The following PSPH variants were observed in gnomAD, a reference collection of about 807,000 sequenced individuals.
PSPH encodes L-3-phosphoserine phosphatase.
In PSPH, 16 loss-of-function variants were observed where a neutral mutation model predicts 23.4. The ratio of observed to expected loss-of-function variants is 0.68; its 90% CI spans 0.46 to 1.04. The LOEUF is 1.04. Ranked by LOEUF, PSPH falls within the 50% of genes least tolerant of loss-of-function variation. PSPH has a pLI of 0.00. For synonymous variants in PSPH, 68 were observed against 99.7 expected, an observed-to-expected ratio of 0.68 and a Z score of 1.89; for missense variants, 223 against 273.7, an observed-to-expected ratio of 0.81 and a Z score of 1.31.
chr7:56,045,347 C>T (rs1369349089), intron 1 of PSPH, among the ~76,000 whole-genome samples: 1 of 151,760 alleles, frequency 6.6e-6, no homozygotes, highest in Non-Finnish European at 1.5e-5. Flanking sequence ...CTTGTCTCTG[C>T]AAAAAAATTA....
chr7:56,019,555 C>T, intron 5 of PSPH, 45 bp downstream of exon 5: 1 of 1,612,208 alleles, frequency 6.2e-7, no homozygotes, highest in African/African-American at 1.3e-5. Context: ...GATGTGCCCC[C>T]CAACACTGGT....
rs530804173 is a variant in PSPH, at chr7:56,051,331, T to C, written c.-485A>G. The C allele has an allele frequency of 1.6e-4, 26 of 162,686 alleles. No individual in the cohort carries two copies. The highest frequency in any genetic ancestry group is 3.0e-4 in the Non-Finnish European group (22 of 74,352). 10.1% of individuals were successfully genotyped at this position (162,686 alleles called of 1,614,324 possible). A position where few individuals can be genotyped will look rare whatever the true frequency, so the allele number is the denominator to read the frequency against. ...CTTTCTACCTTGCATTCTATCTTCA[T>C]CTTCGCTAGGCCTCACAGCACCGCA... is the stretch of plus-strand genomic sequence containing the variant. On this transcript the variant is annotated 5_prime_UTR_variant, in exon 1 of 8. The change abolishes an upstream ATG in the 5' untranslated region. Transcript: ENST00000275605.
intron 5 of PSPH, among the ~76,000 whole-genome samples, chr7:56,018,112 G>A (rs1263682359): frequency 1.3e-5 from 2 of 151,942 alleles, no homozygotes; most frequent in African/African-American, 2.4e-5. Context: ...TTGGGAGGCC[G>A]AGGCAGGTGG....
At chr7:56,026,488 CAAA>C (rs56089644) in intron 3 of PSPH, among the ~76,000 whole-genome samples, 3 of 70,348 alleles carry the variant, frequency 4.3e-5, no homozygotes, top group South Asian at 5.3e-4. Flanking sequence ...GACTCCATCT[CAAA>C]AAAAAAAAAA....
intron 3 of PSPH, among the ~76,000 whole-genome samples, chr7:56,024,620 C>T (rs1225912505): frequency 3.3e-5 from 5 of 151,366 alleles, no homozygotes; most frequent in Non-Finnish European, 5.9e-5. Context: ...TAGTGGCACA[C>T]ACCTATAGAC....
At chr7:56,031,196 C>T (rs571546483) in intron 3 of PSPH, among the ~76,000 whole-genome samples, 5 of 146,300 alleles carry the variant, frequency 3.4e-5, no homozygotes, top group African/African-American at 7.6e-5. Context: ...CTGGCCTGGG[C>T]GACAGAGCGA....
chr7:56,021,003 A>G (rs983954200), intron 4 of PSPH, 70 bp downstream of exon 4: 6 of 1,537,836 alleles, frequency 3.9e-6, no homozygotes, highest in Non-Finnish European at 5.3e-6. Flanking sequence ...AGGGTCTAGC[A>G]CTTCATCCAA....
chr7:56,022,813 C>T (rs1226756115), intron 3 of PSPH, among the ~76,000 whole-genome samples: 1 of 152,218 alleles, frequency 6.6e-6, no homozygotes, highest in Admixed American at 6.5e-5. Context: ...AATCCCAGCA[C>T]TCTGGGAGGC....
At chr7:56,020,351 G>A (rs1261921512) in intron 4 of PSPH, among the ~76,000 whole-genome samples, 1 of 152,198 alleles carries the variant, frequency 6.6e-6, no homozygotes, top group African/African-American at 2.4e-5. Context: ...TAGTGTCCGG[G>A]TGCAGCAGCT....
intron 5 of PSPH, among the ~76,000 whole-genome samples, chr7:56,018,487 G>A (rs1788889044): frequency 1.3e-5 from 2 of 152,122 alleles, no homozygotes; most frequent in African/African-American, 4.8e-5. Context: ...TGGAGAAAGA[G>A]GAAAGGCAGA....
rs1458465221 is a variant in PSPH at position 56,012,911 on chromosome 7, G to A, written c.571-1042C>T. On this transcript the variant is annotated intron_variant, in intron 7 of 7. Transcript: ENST00000275605. ...CGCCTGGCCACACTATATTTTTGGT[G>A]TAGTTTTTCTTACGTTAGAATGACA... Among the ~76,000 whole-genome samples the A allele has an allele frequency of 2.8e-5, 4 of 145,032 alleles. No individual in the cohort carries two copies. The East Asian group carries it at 8.6e-4, about 31-fold the overall frequency.
At chr7:56,042,367 G>A (rs1488629622) in intron 1 of PSPH, among the ~76,000 whole-genome samples, 4 of 151,786 alleles carry the variant, frequency 2.6e-5, no homozygotes, top group African/African-American at 9.7e-5. Flanking sequence ...GAAGCAGAAG[G>A]GAGCCGGGCA....
chr7:56,018,389 C>T (rs867092516), intron 5 of PSPH, among the ~76,000 whole-genome samples: 2 of 152,034 alleles, frequency 1.3e-5, no homozygotes, highest in Middle Eastern at 3.4e-3. Context: ...GGTTTGTCTG[C>T]TTTAGGAAAC....
chr7:56,020,218 T>TA (rs576279724), intron 4 of PSPH, among the ~76,000 whole-genome samples: 179 of 110,050 alleles, frequency 1.6e-3, no homozygotes, highest in Middle Eastern at 5.4e-3. Flanking sequence ...AGATTCCATC[T>TA]AAAAAAAAAA....
rs2116418508 is a variant in PSPH, at chr7:56,011,481, A to T, written c.*281T>A. Reference sequence around the variant, plus strand: ...GAGGCAGAGCTTGCAGTGAGCCGAGACCGCGCCACTGCACTCCAGCCTGGG... The same window carrying T: ...GAGGCAGAGCTTGCAGTGAGCCGAGTCCGCGCCACTGCACTCCAGCCTGGG... On this transcript the variant is annotated 3_prime_UTR_variant, in exon 8 of 8. Transcript: ENST00000275605. 1 of 231,614 alleles carries T rather than the reference A, an allele frequency of 4.3e-6. No homozygotes were observed. The highest frequency in any genetic ancestry group is 2.3e-5 in the African/African-American group (1 of 43,006). The allele number at this position is 231,614 out of a possible 1,614,324, so 14.3% of individuals were successfully genotyped here. A position where few individuals can be genotyped will look rare whatever the true frequency, so the allele number is the denominator to read the frequency against.
intron 7 of PSPH, 67 bp from the exon 8 acceptor site, chr7:56,011,936 C>A: frequency 1.5e-6 from 2 of 1,290,492 alleles, no homozygotes; most frequent in South Asian, 2.5e-5. Flanking sequence ...TTTGGAGTCT[C>A]GCTCTGTCAC....
intron 1 of PSPH, among the ~76,000 whole-genome samples, chr7:56,043,811 G>A (rs1274198067): frequency 6.6e-6 from 1 of 152,150 alleles, no homozygotes; most frequent in Non-Finnish European, 1.5e-5. Flanking sequence ...CTGAGCAACA[G>A]AGCAAGACCC....
At chr7:56,015,655 A>G (rs1196421507) in intron 6 of PSPH, among the ~76,000 whole-genome samples, 1 of 152,028 alleles carries the variant, frequency 6.6e-6, no homozygotes, top group Non-Finnish European at 1.5e-5. Flanking sequence ...TATCAAATTA[A>G]TTAATTAATT....
chr7:56,013,329 G>T (rs1306729671), intron 7 of PSPH, among the ~76,000 whole-genome samples: 2 of 151,808 alleles, frequency 1.3e-5, no homozygotes, highest in Admixed American at 1.3e-4. Flanking sequence ...ATTAGCCTGG[G>T]CAACATAGTG....
Sources: gnomAD v4.1 joint callset for allele counts (sites outside exome capture counted in the v4.1 genomes callset) on GRCh38, gnomAD v4.1.1 for gene constraint, MANE v1.5 for transcripts, NCBI Gene and HGNC (gene_info 2026-07-23, HGNC 2026-07-21) for gene names.